The following GMDS variants were observed in gnomAD, a reference collection of about 807,000 sequenced individuals.
GMDS encodes the protein GDP-mannose 4,6 dehydratase.
Under a neutral mutation model 49.9 loss-of-function variants are expected in GMDS, and 20 were observed. The observed-to-expected ratio is 0.40, with a 90% confidence interval of 0.28 to 0.58. GMDS has a LOEUF of 0.58. Ranked by LOEUF, GMDS falls within the 20% of genes least tolerant of loss-of-function variation. The pLI, the probability that GMDS is intolerant of heterozygous loss-of-function variation, is 0.42. For synonymous variants in GMDS, 177 were observed against 178.6 expected, an observed-to-expected ratio of 0.99 and a Z score of 0.07; for missense variants, 362 against 481.4, an observed-to-expected ratio of 0.75 and a Z score of 2.32.
intron 9 of GMDS, among the ~76,000 whole-genome samples, chr6:1,696,596 C>T (rs1382325461): frequency 2.0e-5 from 3 of 151,258 alleles, no homozygotes; most frequent in Non-Finnish European, 3.0e-5. Context: ...TCTATTTCTC[C>T]TCAAGACAAG....
intron 4 of GMDS, among the ~76,000 whole-genome samples, chr6:2,028,834 A>G (rs1768775937): frequency 1.3e-5 from 2 of 152,210 alleles, no homozygotes; most frequent in Admixed American, 6.5e-5. Flanking sequence ...AGAGGCTAGT[A>G]AATACTAACG....
At chr6:2,016,751 A>G (rs1581521302) in intron 4 of GMDS, among the ~76,000 whole-genome samples, 1 of 152,224 alleles carries the variant, frequency 6.6e-6, no homozygotes, top group East Asian at 1.9e-4. Context: ...GAATCAAACT[A>G]TAAATCAATA....
chr6:1,750,304 T>C (rs1767667486), intron 7 of GMDS, among the ~76,000 whole-genome samples: 1 of 152,212 alleles, frequency 6.6e-6, no homozygotes, highest in Non-Finnish European at 1.5e-5. Context: ...GATGGCTGAA[T>C]AGGAACAGCT....
chr6:2,077,743 C>T (rs1772429869), intron 4 of GMDS, among the ~76,000 whole-genome samples: 1 of 151,948 alleles, frequency 6.6e-6, no homozygotes, highest in Non-Finnish European at 1.5e-5. Context: ...CTGTACTTTT[C>T]TTTTTTTGTG....
intron 9 of GMDS, among the ~76,000 whole-genome samples, chr6:1,700,001 C>A (rs770257948): frequency 6.6e-6 from 1 of 152,150 alleles, no homozygotes; most frequent in African/African-American, 2.4e-5. Flanking sequence ...GCAGCTCACA[C>A]GTGCAGAATG....
chr6:1,860,151 TTTAA>T (rs1358032815), intron 7 of GMDS, among the ~76,000 whole-genome samples: 3 of 152,212 alleles, frequency 2.0e-5, no homozygotes, highest in South Asian at 2.1e-4. Flanking sequence ...TATCTCAGAC[TTTAA>T]TTATATATAA....
intron 1 of GMDS, among the ~76,000 whole-genome samples, chr6:2,230,250 G>A (rs1346185239): frequency 1.3e-5 from 2 of 152,136 alleles, no homozygotes; most frequent in African/African-American, 4.8e-5. Flanking sequence ...TTTGACTGAT[G>A]AAAACTAAAA....
At chr6:1,648,725 A>C (rs1159028398) in intron 9 of GMDS, among the ~76,000 whole-genome samples, 1 of 152,238 alleles carries the variant, frequency 6.6e-6, no homozygotes, top group Non-Finnish European at 1.5e-5. Flanking sequence ...ATGAAACGTA[A>C]CTTTCAACGA....
intron 4 of GMDS, among the ~76,000 whole-genome samples, chr6:2,084,251 C>A (rs926476383): frequency 1.3e-5 from 2 of 152,078 alleles, no homozygotes; most frequent in African/African-American, 4.8e-5. Flanking sequence ...GAGGCATCTG[C>A]GTTTGAGAGG....
intron 6 of GMDS, among the ~76,000 whole-genome samples, chr6:1,932,383 C>T (rs1206971526): frequency 1.3e-5 from 2 of 152,104 alleles, no homozygotes; most frequent in Non-Finnish European, 2.9e-5. Flanking sequence ...TATAAATTAA[C>T]TATTCTAAAA....
chr6:1,700,036 T>C (rs1165676018), intron 9 of GMDS, among the ~76,000 whole-genome samples: 1 of 152,078 alleles, frequency 6.6e-6, no homozygotes, highest in Non-Finnish European at 1.5e-5. Context: ...AAGGGAGATA[T>C]TTTTGCATTC....
intron 4 of GMDS, among the ~76,000 whole-genome samples, chr6:2,058,430 C>T (rs796370368): frequency 4.6e-5 from 7 of 150,988 alleles, no homozygotes; most frequent in East Asian, 1.9e-4. Context: ...GATACCAGTA[C>T]GAGCGGTATC....
intron 7 of GMDS, among the ~76,000 whole-genome samples, chr6:1,781,062 C>T (rs1769061437): frequency 6.6e-6 from 1 of 152,156 alleles, no homozygotes; most frequent in Admixed American, 6.5e-5. Flanking sequence ...ATCCCAAGCG[C>T]TCGCCTTAAG....
intron 8 of GMDS, among the ~76,000 whole-genome samples, chr6:1,737,904 C>T (rs1767086258): frequency 1.4e-5 from 2 of 146,262 alleles, no homozygotes; most frequent in Admixed American, 1.4e-4. Context: ...CACACATACA[C>T]ACCACACACC....
chr6:2,199,734 T>G (rs911714484), intron 1 of GMDS, among the ~76,000 whole-genome samples: 1 of 152,236 alleles, frequency 6.6e-6, no homozygotes, highest in African/African-American at 2.4e-5. Context: ...TTTGTTGAAA[T>G]TATTAGTATC....
At chr6:1,815,451 T>A (rs774163295) in intron 7 of GMDS, among the ~76,000 whole-genome samples, 1 of 152,216 alleles carries the variant, frequency 6.6e-6, no homozygotes. Context: ...CTCAACCTTA[T>A]TGATCCCACT....
intron 7 of GMDS, among the ~76,000 whole-genome samples, chr6:1,875,765 C>A (rs1759012770): frequency 6.6e-6 from 1 of 152,014 alleles, no homozygotes; most frequent in Non-Finnish European, 1.5e-5. Context: ...GTGGCTCACA[C>A]CCGTAATCCC....
rs555565858 is a variant in GMDS, at chr6:1,624,540, C to T, written c.988G>A (p.Asp330Asn). The T allele has an allele frequency of 1.7e-5, 28 of 1,613,024 alleles. No homozygotes were observed. The South Asian group carries it at 2.7e-4, about 16-fold the overall frequency. ...TTGGTGCAGTCGCCCTGCAGAAAGTCCTAGGGAAGAAGAGGGGGAGACGAA... is the reference window on the plus strand; with the variant it reads ...TTGGTGCAGTCGCCCTGCAGAAAGTTCTAGGGAAGAAGAGGGGGAGACGAA... ...DLKYYRPTEVDFLQGDCTKAK... is the reference protein window; with the variant it reads ...DLKYYRPTEVNFLQGDCTKAK... The change falls in exon 10 of 11, where the codon GAC (aspartate) becomes AAC (asparagine). Residue 330 changes from aspartate (D) to asparagine (N), a missense_variant and splice_region_variant. Asp to Asn is a conservative substitution (Grantham distance 23). Transcript: ENST00000380815.
In GMDS at chr6:1,741,811, CAAAAAAAAAAAAA is replaced by C. The variant is rs758949708; in HGVS notation, c.890+644_890+656del. 4.8e-4 allele frequency among the ~76,000 whole-genome samples: 11 copies of C among 23,054 alleles called. 1 individual carries two copies. Among genetic ancestry groups the C allele is most frequent in the African/African-American group, 1.3e-3 (10 of 7,810 alleles). The allele number at this position is 23,054 out of a possible 152,430, so 15.1% of individuals were successfully genotyped here. On this transcript the variant is annotated intron_variant, in intron 8 of 10. Coordinates refer to ENST00000380815, the MANE Select transcript of GMDS (RefSeq NM_001500.4). ...TGAGCAACAGAGCAAGACTCTGTCT[CAAAAAAAAAAAAA>C]AAAAAAAAAAAAAGAAGGTGCTTAT...
Sources: allele counts gnomAD v4.1 joint callset (sites outside exome capture counted in the v4.1 genomes callset), GRCh38; gene constraint gnomAD v4.1.1; transcripts MANE v1.5; gene names NCBI Gene and HGNC (gene_info 2026-07-23, HGNC 2026-07-21).